The following ATF3 variants were observed in gnomAD, a reference collection of about 807,000 sequenced individuals.
ATF3 encodes the protein cyclic AMP-dependent transcription factor ATF-3.
Under a neutral mutation model 18.4 loss-of-function variants are expected in ATF3, and 10 were observed. The observed-to-expected ratio is 0.54, with a 90% confidence interval of 0.34 to 0.92. ATF3 has a LOEUF of 0.92. Ranked by LOEUF, ATF3 falls within the 40% of genes least tolerant of loss-of-function variation. The probability of loss-of-function intolerance (pLI) is 0.02; values close to 1 mark genes in which losing one functional copy is unlikely to be tolerated. For missense variants in ATF3, 183 were observed against 222.3 expected, an observed-to-expected ratio of 0.82 and a Z score of 1.12; for synonymous variants, 78 against 87.9, an observed-to-expected ratio of 0.89 and a Z score of 0.63.
chr1:212,599,163 G>T (rs1263274245), intron 1 of ATF3, among the ~76,000 whole-genome samples: 1 of 152,190 alleles, frequency 6.6e-6, no homozygotes, highest in East Asian at 1.9e-4. Context: ...TTTAACTGGG[G>T]TGAGATGATA....
At chr1:212,599,526 T>A (rs1654415101) in intron 1 of ATF3, among the ~76,000 whole-genome samples, 1 of 152,234 alleles carries the variant, frequency 6.6e-6, no homozygotes, top group Non-Finnish European at 1.5e-5. Flanking sequence ...TCCTACATTA[T>A]GCCTTAGGCC....
At chr1:212,595,954 G>A (rs558443177) in intron 1 of ATF3, among the ~76,000 whole-genome samples, 5 of 152,330 alleles carry the variant, frequency 3.3e-5, no homozygotes, top group Non-Finnish European at 7.4e-5. Context: ...GTGGCAGGAG[G>A]AGGAGGAAAT....
chr1:212,593,296 G>C (rs540360498), intron 1 of ATF3, among the ~76,000 whole-genome samples: 4 of 134,784 alleles, frequency 3.0e-5, no homozygotes, highest in South Asian at 2.8e-4. Flanking sequence ...GTTGTGGGGT[G>C]GGGGGAGGGG....
chr1:212,586,354 G>T (rs139821480), intron 1 of ATF3, among the ~76,000 whole-genome samples: 1 of 152,156 alleles, frequency 6.6e-6, no homozygotes, highest in African/African-American at 2.4e-5. Flanking sequence ...TTTTATTTGG[G>T]GCAAGCCAGT....
At chr1:212,615,339 A>G in intron 2 of ATF3, 78 bp downstream of exon 2, 2 of 1,530,258 alleles carry the variant, frequency 1.3e-6, no homozygotes, top group African/African-American at 1.4e-5. Context: ...TGTTCTAGGC[A>G]GGGGGCTGTT....
chr1:212,585,717 A>T (rs2175632), intron 1 of ATF3, among the ~76,000 whole-genome samples: 87 of 152,242 alleles, frequency 5.7e-4, no homozygotes, highest in African/African-American at 1.9e-3. Context: ...CAGCCAAATG[A>T]AGGGTTACAG....
At chr1:212,609,348 G>T (rs1453572263) in intron 1 of ATF3, among the ~76,000 whole-genome samples, 2 of 135,640 alleles carry the variant, frequency 1.5e-5, no homozygotes, top group African/African-American at 5.6e-5. Flanking sequence ...TCGAGACACG[G>T]CACTGTGGGA....
rs554222657 is a variant in ATF3 at position 212,592,757 on chromosome 1, G to C, written c.-4-22261G>C. Reference sequence around the variant, plus strand: ...GCTTTCTATTACATCACAGCAAGAGGCCCTTGTATCTGATGGTCTCACTTC... The same window carrying C: ...GCTTTCTATTACATCACAGCAAGAGCCCCTTGTATCTGATGGTCTCACTTC... On this transcript the variant is annotated intron_variant, in intron 1 of 3. Transcript: ENST00000366981. Among the ~76,000 whole-genome samples, 3 of 152,104 alleles carry C rather than the reference G, an allele frequency of 2.0e-5. No homozygotes were observed. The East Asian group carries it at 5.8e-4, about 30-fold the overall frequency.
intron 1 of ATF3, 124 bp downstream of exon 1, chr1:212,609,054 G>C (rs11571520): frequency 0.032 from 4,927 of 152,414 alleles, 143 homozygotes; most frequent in Non-Finnish European, 0.045. Context: ...CCCAGCCTCC[G>C]GCTTGGAAAT....
At chr1:212,592,683 A>G (rs1443238531) in intron 1 of ATF3, among the ~76,000 whole-genome samples, 1 of 151,848 alleles carries the variant, frequency 6.6e-6, no homozygotes, top group Non-Finnish European at 1.5e-5. Flanking sequence ...AAATGGTCAG[A>G]TCTAGGGGCC....
intron 2 of ATF3, among the ~76,000 whole-genome samples, chr1:212,615,860 G>A (rs1655099449): frequency 6.7e-6 from 1 of 149,234 alleles, no homozygotes; most frequent in Admixed American, 6.6e-5. Flanking sequence ...GGTGATCACG[G>A]CTCATTGTAG....
chr1:212,584,978 C>T (rs1459542186), intron 1 of ATF3, among the ~76,000 whole-genome samples: 65 of 152,188 alleles, frequency 4.3e-4, no homozygotes, highest in Admixed American at 4.3e-3. Flanking sequence ...CCTGTGGCTG[C>T]CCATTCTCCA....
chr1:212,568,012 GT>G (rs1032641636), intron 1 of ATF3, among the ~76,000 whole-genome samples: 7 of 152,316 alleles, frequency 4.6e-5, no homozygotes, highest in African/African-American at 1.4e-4. Context: ...TTGAACTTTT[GT>G]AGGGTAGGGA....
In ATF3 at chr1:212,618,990, T is replaced by C. The variant is rs1305114949; in HGVS notation, c.349-368T>C. 3 of 1,609,192 alleles carry C rather than the reference T, an allele frequency of 1.9e-6. No homozygotes were observed. Among genetic ancestry groups the C allele is most frequent in the East Asian group, 2.2e-5 (1 of 44,852 alleles). ...TTTTTCTGGGGAGATGAGCTTCTCATTGAGATCTGTGACTCAGAATCGACT... is the reference window on the plus strand; with the variant it reads ...TTTTTCTGGGGAGATGAGCTTCTCACTGAGATCTGTGACTCAGAATCGACT... On this transcript the variant is annotated intron_variant, in intron 3 of 3. Transcript: ENST00000341491. The surrounding 1 kb of genome is among the most constrained non-coding windows in gnomAD (Gnocchi z 4.4).
At chr1:212,595,670 G>A (rs1006337254) in intron 1 of ATF3, among the ~76,000 whole-genome samples, 44 of 152,180 alleles carry the variant, frequency 2.9e-4, no homozygotes, top group Admixed American at 2.7e-3. Flanking sequence ...ACACAGAAAA[G>A]GTGCGTCCAC....
chr1:212,584,660 C>T (rs1403877281), intron 1 of ATF3, among the ~76,000 whole-genome samples: 1 of 152,342 alleles, frequency 6.6e-6, no homozygotes, highest in Middle Eastern at 3.4e-3. Flanking sequence ...AATGCCCTCA[C>T]AGAAACACCC....
Position 212,608,869 on chromosome 1 carries a change from G to GGCCAGACAAACAGCCCGCCC in ATF3, c.-64_-45dup, listed in dbSNP as rs1654749744. 6.5e-6 allele frequency: 1 copy of GGCCAGACAAACAGCCCGCCC among 152,724 alleles called. No homozygotes were observed. The highest frequency in any genetic ancestry group is 1.5e-5 in the Non-Finnish European group (1 of 68,554). The allele number at this position is 152,724 out of a possible 1,614,324, so 9.5% of individuals were successfully genotyped here. The stretch of plus-strand genomic sequence containing the variant: ...CGTGAGTCCTCGGTGCTCGCCCGCC[G>GGCCAGACAAACAGCCCGCCC]GCCAGACAAACAGCCCGCCCGACCC... On this transcript the variant is annotated 5_prime_UTR_variant, in exon 1 of 4. Transcript: ENST00000341491.
chr1:212,588,736 A>G (rs887791522), intron 1 of ATF3, among the ~76,000 whole-genome samples: 5 of 152,120 alleles, frequency 3.3e-5, no homozygotes, highest in African/African-American at 1.2e-4. Flanking sequence ...TATCTTCTCC[A>G]TATTTATAAA....
At chr1:212,603,912 A>T (rs2102643350), upstream of ATF3, among the ~76,000 whole-genome samples, 1 of 152,318 alleles carries the variant, frequency 6.6e-6, no homozygotes, top group South Asian at 2.1e-4. Flanking sequence ...TCAAAGGTGC[A>T]TGCAATCTAA....
Sources: allele counts gnomAD v4.1 joint callset (sites outside exome capture counted in the v4.1 genomes callset), GRCh38; gene constraint gnomAD v4.1.1; non-coding constraint Gnocchi (gnomAD v3.1); transcripts MANE v1.5; gene names NCBI Gene and HGNC (gene_info 2026-07-23, HGNC 2026-07-21).